Variants in ADGB observed in about 807,000 individuals in gnomAD.
ADGB encodes the protein calpain-7-like protein.
ADGB carries 172 observed loss-of-function variants against 210.5 expected under a neutral mutation model. The observed-to-expected ratio is 0.82, with a 90% CI of 0.72 to 0.93. ADGB has a LOEUF of 0.93. Ranked by LOEUF, ADGB falls within the 40% of genes least tolerant of loss-of-function variation. The probability of loss-of-function intolerance (pLI) is 0.00; values close to 1 mark genes in which losing one functional copy is unlikely to be tolerated. For synonymous variants in ADGB, 658 were observed against 662.7 expected (o/e 0.99, Z 0.11); for missense variants, 2,025 against 1,964.8 (o/e 1.03, Z -0.58).
At chr6:146,607,337 A>G (rs1204058588) in intron 1 of ADGB, among the ~76,000 whole-genome samples, 1 of 152,178 alleles carries the variant, frequency 6.6e-6, no homozygotes, top group Non-Finnish European at 1.5e-5. Context: ...TATAGTCTAC[A>G]AAGAGAGATA....
rs575316495 is a variant in ADGB at position 146,805,892 on chromosome 6, A to T, written c.4818+3881A>T. ...TATTGGCATATGAAAATGTAGATAT[A>T]TTATAAATACTATGCTTTCATTTTT... On this transcript the variant is annotated intron_variant, in intron 35 of 35. Coordinates refer to ENST00000397944, the MANE Select transcript of ADGB (RefSeq NM_024694.4). Among the ~76,000 whole-genome samples, 122 of 152,308 alleles carry T rather than the reference A, an allele frequency of 8.0e-4. 1 individual carries two copies. The highest frequency in any genetic ancestry group is 3.4e-3 in the Middle Eastern group (1 of 294).
intron 8 of ADGB, among the ~76,000 whole-genome samples, chr6:146,675,501 A>T (rs577780468): frequency 6.6e-6 from 1 of 152,024 alleles, no homozygotes; most frequent in East Asian, 1.9e-4. Flanking sequence ...TAAGGTATGA[A>T]ACATGTCTAT....
At chr6:146,769,807 G>A (rs1189722196) in intron 29 of ADGB, among the ~76,000 whole-genome samples, 1 of 151,930 alleles carries the variant, frequency 6.6e-6, no homozygotes. Flanking sequence ...AATACAAAAG[G>A]GTATAACATA....
chr6:146,726,512 C>T (rs776420117), intron 19 of ADGB, among the ~76,000 whole-genome samples: 30 of 152,154 alleles, frequency 2.0e-4, no homozygotes, highest in African/African-American at 5.3e-4. Flanking sequence ...CATGAGCCAC[C>T]GCACCCAGCC....
At chr6:146,694,205 C>G (rs1776374168) in intron 12 of ADGB, among the ~76,000 whole-genome samples, 1 of 152,148 alleles carries the variant, frequency 6.6e-6, no homozygotes, top group Non-Finnish European at 1.5e-5. Context: ...TCTGTCTTAG[C>G]CTGTTTGGGC....
chr6:146,673,458 T>C (rs1259961473), intron 8 of ADGB, among the ~76,000 whole-genome samples: 2 of 152,188 alleles, frequency 1.3e-5, no homozygotes, highest in East Asian at 3.9e-4. Context: ...TATCCTTTCT[T>C]AAGTTTTTGT....
intron 32 of ADGB, among the ~76,000 whole-genome samples, chr6:146,786,274 G>A (rs1358243128): frequency 1.3e-5 from 2 of 150,532 alleles, no homozygotes; most frequent in Non-Finnish European, 3.0e-5. Flanking sequence ...CTCAGTAATA[G>A]TCTAAGTTCA....
intron 8 of ADGB, 45 bp downstream of exon 8, chr6:146,672,512 T>A (rs1051276953): frequency 6.8e-7 from 1 of 1,473,740 alleles, no homozygotes; most frequent in Admixed American, 2.6e-5. Context: ...GGACATTGCA[T>A]ATAAATGCCT....
At chr6:146,616,699 A>T (rs182645986) in intron 1 of ADGB, among the ~76,000 whole-genome samples, 2 of 151,898 alleles carry the variant, frequency 1.3e-5, no homozygotes, top group African/African-American at 4.8e-5. Flanking sequence ...CTTTCCCTCA[A>T]TGTATGTTTT....
rs1778152522 is a variant in ADGB, at chr6:146,802,754, A to T, written c.4818+743A>T. On this transcript the variant is annotated intron_variant, in intron 35 of 35. Coordinates refer to ENST00000397944, the MANE Select transcript of ADGB (RefSeq NM_024694.4). ...TTTTTGTAAATTACACAGTTCAGGG[A>T]TGTTTTGAAAAACCAAATCCTCTTT... is the stretch of plus-strand genomic sequence containing the variant. The T allele has an allele frequency of 1.4e-5, 22 of 1,567,280 alleles. No homozygotes were observed. The South Asian group carries it at 2.4e-4, about 17-fold the overall frequency.
Position 146,634,365 on chromosome 6 carries a change from CTTAA to C in ADGB, c.75-1007_75-1004del, listed in dbSNP as rs1192543001. Among the ~76,000 whole-genome samples, 4 of 152,156 alleles carry C rather than the reference CTTAA, an allele frequency of 2.6e-5. No homozygotes were observed. The East Asian group carries it at 7.7e-4, about 29-fold the overall frequency. On this transcript the variant is annotated intron_variant, in intron 1 of 35. Coordinates refer to ENST00000397944, the MANE Select transcript of ADGB (RefSeq NM_024694.4). The stretch of plus-strand genomic sequence containing the variant: ...GTGTTACTGTATACTGTATATTTTA[CTTAA>C]TTTATGATATTTAATTTGTATCCAG...
At chr6:146,604,266 C>T (rs1780602253) in intron 1 of ADGB, among the ~76,000 whole-genome samples, 5 of 152,026 alleles carry the variant, frequency 3.3e-5, no homozygotes, top group Admixed American at 2.6e-4. Context: ...AGTCCCTTGC[C>T]CTCCTAAAAG....
chr6:146,630,010 G>C (rs1781036384), intron 1 of ADGB, among the ~76,000 whole-genome samples: 1 of 152,162 alleles, frequency 6.6e-6, no homozygotes. Context: ...GCTGAGGCAG[G>C]TGGATTATCT....
intron 2 of ADGB, chr6:146,639,674 G>A (rs1411256664): frequency 1.3e-5 from 2 of 151,938 alleles, no homozygotes; most frequent in Admixed American, 6.6e-5. Context: ...CTGCAGCAAA[G>A]TTTCAGGATG....
intron 9 of ADGB, among the ~76,000 whole-genome samples, chr6:146,684,767 C>T (rs575416995): frequency 1.1e-4 from 16 of 151,974 alleles, no homozygotes; most frequent in African/African-American, 3.6e-4. Flanking sequence ...GGGGAGACAG[C>T]GTCTGTGGAC....
At chr6:146,810,159 A>G (rs2114675261) in intron 35 of ADGB, among the ~76,000 whole-genome samples, 1 of 152,336 alleles carries the variant, frequency 6.6e-6, no homozygotes, top group Admixed American at 6.5e-5. Context: ...ACTTGAATAA[A>G]CACCTATCCA....
chr6:146,804,614 C>T (rs1024445659), intron 35 of ADGB, among the ~76,000 whole-genome samples: 2 of 152,162 alleles, frequency 1.3e-5, no homozygotes, highest in African/African-American at 4.8e-5. Context: ...CTCGACTCTA[C>T]CTTGAAAATA....
At position 146,699,111 on chromosome 6, in the gene ADGB, G is replaced by A. The variant is rs574058607; in HGVS notation, c.1578-1830G>A. Reference sequence around the variant, plus strand: ...TTCTCCAGAGAGACTGAATTAATGCGGAATATAGACATCGACATAGATATA... The same window carrying A: ...TTCTCCAGAGAGACTGAATTAATGCAGAATATAGACATCGACATAGATATA... On this transcript the variant is annotated intron_variant, in intron 12 of 35. Transcript: ENST00000397944. Among the ~76,000 whole-genome samples the A allele has an allele frequency of 5.3e-5, 8 of 152,084 alleles. No homozygotes were observed. In the East Asian group the frequency reaches 7.7e-4, roughly 15 times the overall value.
chr6:146,726,514 C>T (rs533781682), intron 19 of ADGB, among the ~76,000 whole-genome samples: 1 of 152,302 alleles, frequency 6.6e-6, no homozygotes, highest in Non-Finnish European at 1.5e-5. Context: ...TGAGCCACCG[C>T]ACCCAGCCAC....
Sources: gnomAD v4.1 joint callset for allele counts (sites outside exome capture counted in the v4.1 genomes callset) on GRCh38, gnomAD v4.1.1 for gene constraint, MANE v1.5 for transcripts, NCBI Gene and HGNC (gene_info 2026-07-23, HGNC 2026-07-21) for gene names.